Variants in NDST1 observed in about 807,000 individuals in gnomAD.
NDST1 encodes the protein N-deacetylase and N-sulfotransferase 1.
In NDST1, 35 loss-of-function variants were observed where a neutral mutation model predicts 92.8. The ratio of observed to expected loss-of-function variants is 0.38; its 90% CI spans 0.29 to 0.50. The LOEUF is 0.50. NDST1 is among the 20% of genes least tolerant of loss of function. The pLI is 0.94. For missense variants in NDST1, 822 were observed against 1,182.7 expected (o/e 0.69, Z 4.47); for synonymous variants, 493 against 500.3 (o/e 0.99, Z 0.19).
chr5:150,535,347 A>T, intron 5 of NDST1: 1 of 985,422 alleles, frequency 1.0e-6, no homozygotes, highest in Non-Finnish European at 1.2e-6. Flanking sequence ...AGAGGTGGTC[A>T]ATGAGGAGGG....
intron 1 of NDST1, among the ~76,000 whole-genome samples, chr5:150,519,920 G>C (rs139389247): frequency 1.3e-5 from 2 of 152,100 alleles, no homozygotes; most frequent in African/African-American, 2.4e-5. Flanking sequence ...TCAGGCTGAG[G>C]GGGAGGCTGG....
At chr5:150,545,196 G>A (rs1162843999) in intron 10 of NDST1, 116 bp from the exon 11 acceptor site, 6 of 1,233,950 alleles carry the variant, frequency 4.9e-6, no homozygotes, top group East Asian at 4.7e-5. Flanking sequence ...TGGGAGCAAA[G>A]CTTCCCACTT....
At chr5:150,546,361 G>A (rs1362718979) in intron 11 of NDST1, among the ~76,000 whole-genome samples, 1 of 152,232 alleles carries the variant, frequency 6.6e-6, no homozygotes, top group East Asian at 1.9e-4. Flanking sequence ...CACTGAGCCT[G>A]CAGGAATGCT....
intron 8 of NDST1, 47 bp downstream of exon 8, chr5:150,540,311 C>T: frequency 6.5e-7 from 1 of 1,548,592 alleles, no homozygotes; most frequent in Non-Finnish European, 8.8e-7. Flanking sequence ...GATGGAACGC[C>T]ACCACTCACA....
In NDST1 at chr5:150,527,869, G is replaced by A. The variant is rs1419890940; in HGVS notation, c.579G>A (p.Leu193=). ...KGFPLFLHSN[L]GLKDCSINPK... ...TCCCCCTGTTCCTGCACTCAAACCT[G>A]GGCCTGAAGGACTGCAGCATCAACC... The change falls in exon 3 of 15, where the codon CTG becomes CTA. Residue 193 remains leucine, a synonymous_variant. Transcript: ENST00000261797. The A allele has an allele frequency of 1.2e-6, 2 of 1,614,016 alleles. No individual in the cohort carries two copies. Among genetic ancestry groups the A allele is most frequent in the East Asian group, 2.2e-5 (1 of 44,898 alleles).
At chr5:150,511,807 A>G (rs757012299) in intron 1 of NDST1, among the ~76,000 whole-genome samples, 2 of 151,972 alleles carry the variant, frequency 1.3e-5, no homozygotes, top group Non-Finnish European at 2.9e-5. Flanking sequence ...CCTCCCAGGG[A>G]TGTAATCACG....
At position 150,555,763 on chromosome 5, in the gene NDST1, C is replaced by G. The variant is rs1415552550; in HGVS notation, c.*2431C>G. 6.6e-6 allele frequency: 1 copy of G among 152,224 alleles called. No individual in the cohort carries two copies. Among genetic ancestry groups the G allele is most frequent in the Non-Finnish European group, 1.5e-5 (1 of 68,060 alleles). 9.4% of individuals were successfully genotyped at this position (152,224 alleles called of 1,614,324 possible). A position where few individuals can be genotyped will look rare whatever the true frequency, so the allele number is the denominator to read the frequency against. On this transcript the variant is annotated 3_prime_UTR_variant, in exon 15 of 15. Transcript: ENST00000261797. ...ATGGAAGGCAGGAGAGGTGGGCTGG[C>G]CTAGGGCAGGAGCTCCACTTCTCTC...
At chr5:150,543,066 G>A in intron 10 of NDST1, 95 bp downstream of exon 10, 1 of 1,506,522 alleles carries the variant, frequency 6.6e-7, no homozygotes, top group Non-Finnish European at 9.2e-7. Context: ...GCTGGAGCTT[G>A]CTCACACACA....
chr5:150,533,164 C>T, intron 4 of NDST1, 132 bp downstream of exon 4: 1 of 894,096 alleles, frequency 1.1e-6, no homozygotes, highest in African/African-American at 1.6e-5. Flanking sequence ...GACCCCTCTG[C>T]CCCCGTGGAG....
At chr5:150,534,234 C>A (rs964166090) in intron 4 of NDST1, among the ~76,000 whole-genome samples, 84 of 152,076 alleles carry the variant, frequency 5.5e-4, no homozygotes, top group African/African-American at 2.0e-3. Context: ...GTAGCAGGTA[C>A]TACAGGTGCA....
chr5:150,532,108 G>C (rs6874540), intron 3 of NDST1, among the ~76,000 whole-genome samples: 4,104 of 152,318 alleles, frequency 0.027, 155 homozygotes, highest in East Asian at 0.16. Context: ...TACCAGATGT[G>C]AGGCAGTTTT....
intron 1 of NDST1, among the ~76,000 whole-genome samples, chr5:150,516,023 C>A (rs1185580407): frequency 6.6e-6 from 1 of 151,248 alleles, no homozygotes; most frequent in Non-Finnish European, 1.5e-5. Flanking sequence ...CTTGCTCTCC[C>A]TCTGCCCTGG....
chr5:150,554,017 C>T lies in NDST1; in HGVS notation c.*685C>T. On this transcript the variant is annotated 3_prime_UTR_variant, in exon 15 of 15. Coordinates refer to ENST00000261797, the MANE Select transcript of NDST1 (RefSeq NM_001543.5). ...GCCATCGGGCCCAGTTCTCCGGGCC[C>T]CACCTGCACCCCTTTCTTCCCCCTG... 2.5e-6 allele frequency: 1 copy of T among 407,888 alleles called. No individual in the cohort carries two copies. Among genetic ancestry groups the T allele is most frequent in the Non-Finnish European group, 4.3e-6 (1 of 230,576 alleles). 25.3% of individuals were successfully genotyped at this position (407,888 alleles called of 1,614,324 possible).
At chr5:150,504,862 G>A (rs17726577), upstream of NDST1, among the ~76,000 whole-genome samples, 20,590 of 152,196 alleles carry the variant, frequency 0.14, 1,817 homozygotes, top group East Asian at 0.28. Context: ...AGGCCCATCA[G>A]TTGGTTGAAC....
At chr5:150,527,664 C>G in intron 2 of NDST1, 140 bp from the exon 3 acceptor site, 1 of 1,193,850 alleles carries the variant, frequency 8.4e-7, no homozygotes, top group Non-Finnish European at 1.2e-6. Context: ...CAGGGTGGAG[C>G]GCAGGGCCAG....
At chr5:150,506,838 G>A (rs771994859), upstream of NDST1, among the ~76,000 whole-genome samples, 1 of 152,168 alleles carries the variant, frequency 6.6e-6, no homozygotes, top group Non-Finnish European at 1.5e-5. Context: ...GTGGGCCCTC[G>A]GTGAAGCCTC....
intron 13 of NDST1, chr5:150,550,897 C>T (rs961842828): frequency 1.3e-5 from 2 of 152,256 alleles, no homozygotes; most frequent in African/African-American, 4.8e-5. Context: ...TGAATGAAAG[C>T]TTCATGTGGG....
At chr5:150,509,662 G>A (rs1753628427) in intron 1 of NDST1, among the ~76,000 whole-genome samples, 1 of 152,158 alleles carries the variant, frequency 6.6e-6, no homozygotes, top group South Asian at 2.1e-4. Flanking sequence ...ACAGGCATGT[G>A]CCACACACCT....
chr5:150,551,396 TA>T (rs796458753), intron 13 of NDST1, among the ~76,000 whole-genome samples: 287 of 144,380 alleles, frequency 2.0e-3, no homozygotes, highest in Admixed American at 1.9e-3. Flanking sequence ...TTCTTGGGTT[TA>T]AAAAAAAAAA....
Sources: allele counts gnomAD v4.1 joint callset (sites outside exome capture counted in the v4.1 genomes callset), GRCh38; gene constraint gnomAD v4.1.1; transcripts MANE v1.5; gene names NCBI Gene and HGNC (gene_info 2026-07-23, HGNC 2026-07-21).